Variants in CCT4 observed in about 807,000 individuals in gnomAD.
CCT4 encodes the protein chaperonin containing TCP1 subunit 4, also known as T-complex protein 1 subunit delta.
Under a neutral mutation model 62.5 loss-of-function variants are expected in CCT4, and 17 were observed. The observed-to-expected ratio is 0.27, with a 90% CI of 0.19 to 0.41. CCT4 has a LOEUF of 0.41. Ranked by LOEUF, CCT4 falls within the 10% of genes least tolerant of loss-of-function variation. The probability of loss-of-function intolerance (pLI) is 1.00; values close to 1 mark genes in which losing one functional copy is unlikely to be tolerated. For synonymous variants in CCT4, 250 were observed against 229.9 expected (o/e 1.09, Z -0.79); for missense variants, 592 against 659.2 (o/e 0.90, Z 1.12).
rs1323272065 is a variant in CCT4 at position 61,868,586 on chromosome 2, C to T, written c.*106G>A. ...CAAATGCCAACTGGAAGACCAAGCC[C>T]AGAAATTCAGAGGAAATAATCTTCC... On this transcript the variant is annotated 3_prime_UTR_variant, in exon 14 of 14. Transcript: ENST00000394440. The T allele has an allele frequency of 1.2e-6, 1 of 841,752 alleles. No individual in the cohort carries two copies. Among genetic ancestry groups the T allele is most frequent in the Non-Finnish European group, 2.0e-6 (1 of 507,144 alleles). The allele number at this position is 841,752 out of a possible 1,614,324, so 52.1% of individuals were successfully genotyped here. A position where few individuals can be genotyped will look rare whatever the true frequency, so the allele number is the denominator to read the frequency against.
At position 61,877,524 on chromosome 2, in the gene CCT4, TTA is replaced by T; in HGVS notation, c.523-12_523-11del. On this transcript the variant is annotated splice_polypyrimidine_tract_variant and intron_variant, in intron 5 of 13. Transcript: ENST00000394440. Reference sequence around the variant, plus strand: ...AATACTGAGAAACCACCTAGAATTATTAAAAAAAAAAAAAAGTTACCTTCACA... The same window carrying T: ...AATACTGAGAAACCACCTAGAATTATAAAAAAAAAAAAAGTTACCTTCACA... The T allele has an allele frequency of 6.7e-7, 1 of 1,496,668 alleles. No homozygotes were observed. The highest frequency in any genetic ancestry group is 1.3e-5 in the South Asian group (1 of 76,190). 92.7% of individuals were successfully genotyped at this position (1,496,668 alleles called of 1,614,324 possible).
intron 6 of CCT4, 24 bp from the exon 7 acceptor site, chr2:61,877,076 G>A (rs1400078432): frequency 1.7e-5 from 27 of 1,606,808 alleles, no homozygotes; most frequent in Non-Finnish European, 2.1e-5. Context: ...AAAACAAAGA[G>A]GGGTAGTTAA....
In CCT4 at chr2:61,880,173, T is replaced by A. The variant is rs577280986; in HGVS notation, c.379+113A>T. 374 of 507,912 alleles carry A rather than the reference T, an allele frequency of 7.4e-4. 1 individual carries two copies. The highest frequency in any genetic ancestry group is 2.8e-3 in the Middle Eastern group (6 of 2,140). 31.5% of individuals were successfully genotyped at this position (507,912 alleles called of 1,614,324 possible). A position where few individuals can be genotyped will look rare whatever the true frequency, so the allele number is the denominator to read the frequency against. On this transcript the variant is annotated intron_variant, in intron 4 of 13. Transcript: ENST00000394440. ...CTTTAAAAATTCTTGGTAAAAAGAT[T>A]AGTTATTCCAAATTAAATCTTCAAT...
chr2:61,883,568 GT>G lies in CCT4; in HGVS notation c.181-21del. The G allele has an allele frequency of 7.8e-7, 1 of 1,276,854 alleles. No homozygotes were observed. Among genetic ancestry groups the G allele is most frequent in the Admixed American group, 1.9e-5 (1 of 52,902 alleles). 79.1% of individuals were successfully genotyped at this position (1,276,854 alleles called of 1,614,324 possible). Reference sequence around the variant, plus strand: ...TTGAATCTAGAAAAAAAATTTTAAAGTTATATTTCAATGTCACACCTTAATA... The same window carrying G: ...TTGAATCTAGAAAAAAAATTTTAAAGTATATTTCAATGTCACACCTTAATA... On this transcript the variant is annotated intron_variant, in intron 2 of 13. Coordinates refer to ENST00000394440, the MANE Select transcript of CCT4 (RefSeq NM_006430.4).
chr2:61,872,413 T>C (rs770586601), intron 11 of CCT4, 45 bp downstream of exon 11: 1 of 1,509,330 alleles, frequency 6.6e-7, no homozygotes, highest in Non-Finnish European at 9.0e-7. Flanking sequence ...AATATAATAG[T>C]TTTAATGTTC....
At chr2:61,873,151 T>C (rs774190197) in intron 9 of CCT4, 39 bp from the exon 10 acceptor site, 30 of 1,472,626 alleles carry the variant, frequency 2.0e-5, no homozygotes, top group Non-Finnish European at 2.8e-5. Flanking sequence ...AAGACATTTA[T>C]CTAATTATCA....
At chr2:61,876,565 T>C (rs903959291) in intron 7 of CCT4, among the ~76,000 whole-genome samples, 4 of 152,202 alleles carry the variant, frequency 2.6e-5, no homozygotes, top group Non-Finnish European at 5.9e-5. Context: ...AGTGAAAAGA[T>C]GGGGTCCCAC....
chr2:61,880,498 C>G, intron 3 of CCT4, 104 bp from the exon 4 acceptor site: 1 of 681,016 alleles, frequency 1.5e-6, no homozygotes, highest in Non-Finnish European at 2.6e-6. Context: ...TTTGAAGATG[C>G]AACATGATTC....
In CCT4 at chr2:61,885,032, T is replaced by C. The variant is rs369735616; in HGVS notation, c.168A>G (p.Gly56=). 2.5e-6 allele frequency: 4 copies of C among 1,579,396 alleles called. No homozygotes were observed. Among genetic ancestry groups the C allele is most frequent in the Non-Finnish European group, 3.4e-6 (4 of 1,166,624 alleles). ...CTCAACTCTTTACCATTTTATCCAT[T>C]CCTTTTGGTCCAAGGCTTGTTCTAA... ...DAIRTSLGPK[G]MDKMIQDGKG... Residue 56 remains glycine, a synonymous_variant, in exon 2 of 14, where the codon GGA becomes GGG. Coordinates refer to ENST00000394440, the MANE Select transcript of CCT4 (RefSeq NM_006430.4).
chr2:61,878,632 T>A (rs554194530), intron 5 of CCT4, among the ~76,000 whole-genome samples: 6 of 152,318 alleles, frequency 3.9e-5, no homozygotes, highest in Admixed American at 3.9e-4. Context: ...CAAAACACTG[T>A]TACAATGCAT....
chr2:61,881,707 T>C (rs1001327510), intron 3 of CCT4, among the ~76,000 whole-genome samples: 5 of 152,300 alleles, frequency 3.3e-5, no homozygotes, highest in Admixed American at 3.3e-4. Flanking sequence ...TTTTTTCATG[T>C]AATGTTTCAT....
Position 61,878,889 on chromosome 2 carries a change from T to A in CCT4, c.502A>T (p.Thr168Ser), listed in dbSNP as rs1284189811. 1 of 1,609,976 alleles carries A rather than the reference T, an allele frequency of 6.2e-7. No homozygotes were observed. The highest frequency in any genetic ancestry group is 1.3e-5 in the African/African-American group (1 of 74,904). The change falls in exon 5 of 14, where the codon ACC becomes TCC. Residue 168 changes from threonine to serine, a missense_variant. This residue lies in a region of CCT4 where 522 missense variants were observed against 571.2 expected (regional missense o/e 0.91). Transcript: ENST00000394440. The stretch of plus-strand genomic sequence containing the variant: ...CTCACCTTTGAGTTCAGTGAAGTGG[T>A]TGCACTATTTAACAAAGTTTCTCTG... ...SDRETLLNSA[T>S]TSLNSKVVSQ... is the part of the protein sequence containing the mutation.
rs748383472 is a variant in CCT4 at position 61,888,444 on chromosome 2, C to T, written c.64G>A (p.Gly22Ser). 6.2e-7 allele frequency: 1 copy of T among 1,611,954 alleles called. No individual in the cohort carries two copies. The highest frequency in any genetic ancestry group is 8.5e-7 in the Non-Finnish European group (1 of 1,179,332). Reference sequence around the variant, plus strand: ...GGCTTGTCGCGGTCCTGATAGGCGCCTTTCCCGCGGCCGCCGGCAGCCCCG... The same window carrying T: ...GGCTTGTCGCGGTCCTGATAGGCGCTTTTCCCGCGGCCGCCGGCAGCCCCG... ...TAGAAGGRGK[G>S]AYQDRDKPAQ... Residue 22 changes from glycine (G) to serine (S), a missense_variant, in exon 1 of 14, where the codon GGC (glycine) becomes AGC (serine). This residue lies in a region of CCT4 where 67 missense variants were observed against 71.1 expected (regional missense o/e 0.94). Transcript: ENST00000394440.
intron 8 of CCT4, among the ~76,000 whole-genome samples, chr2:61,874,727 T>C (rs913831889): frequency 6.6e-6 from 1 of 152,222 alleles, no homozygotes; most frequent in African/African-American, 2.4e-5. Flanking sequence ...GGCAAGCAAT[T>C]GCATAGACCT....
chr2:61,880,503 T>G (rs1669089455), intron 3 of CCT4, 109 bp from the exon 4 acceptor site: 2 of 671,966 alleles, frequency 3.0e-6, no homozygotes, highest in Admixed American at 6.0e-5. Flanking sequence ...AGATGCAACA[T>G]GATTCCTGAT....
intron 7 of CCT4, among the ~76,000 whole-genome samples, chr2:61,876,605 G>A (rs1378702108): frequency 1.3e-5 from 2 of 152,082 alleles, no homozygotes; most frequent in African/African-American, 4.8e-5. Flanking sequence ...TGGAGTGCAG[G>A]GACTATTCAC....
intron 5 of CCT4, among the ~76,000 whole-genome samples, chr2:61,877,963 C>G (rs1669036280): frequency 6.6e-6 from 1 of 152,190 alleles, no homozygotes; most frequent in Admixed American, 6.5e-5. Context: ...CTCATTCAAT[C>G]TTCAGATGGA....
At chr2:61,877,321 GTT>G in intron 6 of CCT4, 70 bp downstream of exon 6, 1 of 1,431,368 alleles carries the variant, frequency 7.0e-7, no homozygotes, top group South Asian at 1.2e-5. Flanking sequence ...TCATCTAGGT[GTT>G]TTTATTTATT....
rs147439665 is a variant in CCT4, at chr2:61,877,369, C to G, written c.644+24G>C. ...TGATGCTCATTTTCAAATTTTTATT[C>G]AAGTTGTAATTAGAGATGCTTACCC... On this transcript the variant is annotated intron_variant, in intron 6 of 13. Coordinates refer to ENST00000394440, the MANE Select transcript of CCT4 (RefSeq NM_006430.4). 1,426 of 1,594,434 alleles carry G rather than the reference C, an allele frequency of 8.9e-4. 9 individuals carry two copies. In the African/African-American group the frequency reaches 0.018, roughly 20 times the overall value.
Sources: allele counts gnomAD v4.1 joint callset (sites outside exome capture counted in the v4.1 genomes callset), GRCh38; gene constraint gnomAD v4.1.1; regional missense constraint gnomAD v4.1.1; transcripts MANE v1.5; gene names NCBI Gene and HGNC (gene_info 2026-07-23, HGNC 2026-07-21).